The following MCOLN1 variants were observed in gnomAD, a reference collection of about 807,000 sequenced individuals.
MCOLN1 encodes the protein mucolipin TRP cation channel 1.
MCOLN1 carries 50 observed loss-of-function variants against 70.3 expected under a neutral mutation model. The ratio of observed to expected loss-of-function variants is 0.71; its 90% confidence interval spans 0.57 to 0.90. The LOEUF (loss-of-function observed/expected upper bound fraction) is 0.90, where lower values mean the gene tolerates loss of function less well. Among genes scored for constraint, MCOLN1 ranks in the 40% least tolerant of loss-of-function variants. The pLI is 0.00. For synonymous variants in MCOLN1, 366 were observed against 341.0 expected, an observed-to-expected ratio of 1.07 and a Z score of -0.81; for missense variants, 598 against 803.5, an observed-to-expected ratio of 0.74 and a Z score of 3.09.
chr19:7,529,767 CTG>C, intron 11 of MCOLN1, 55 bp downstream of exon 11: 1 of 1,609,290 alleles, frequency 6.2e-7, no homozygotes, highest in Non-Finnish European at 8.5e-7. Context: ...GTCATTGACA[CTG>C]TGACCCCCAG....
chr19:7,522,771 G>A lies in MCOLN1; in HGVS notation c.21G>A (p.Pro7=). 1 of 1,402,846 alleles carries A rather than the reference G, an allele frequency of 7.1e-7. No individual in the cohort carries two copies. Among genetic ancestry groups the A allele is most frequent in the Admixed American group, 3.0e-5 (1 of 33,280 alleles). The allele number at this position is 1,402,846 out of a possible 1,614,324, so 86.9% of individuals were successfully genotyped here. Residue 7 remains proline (P), a synonymous_variant, in exon 1 of 14, where the codon CCG becomes CCA. Coordinates refer to ENST00000264079, the MANE Select transcript of MCOLN1 (RefSeq NM_020533.3). The part of the protein sequence containing the change: MTAPAG[P]RGSETERLLT... Reference sequence around the variant, plus strand: ...CCAGCATGACAGCCCCGGCGGGTCCGCGCGGCTCAGGTGAGGGCGCGGGCG... The same window carrying A: ...CCAGCATGACAGCCCCGGCGGGTCCACGCGGCTCAGGTGAGGGCGCGGGCG...
rs1392830393 is a variant in MCOLN1, at chr19:7,533,551, G to C, written c.1604G>C (p.Ser535Thr). Residue 535 changes from serine (S) to threonine (T), a missense_variant, in exon 13 of 14, where the codon AGC becomes ACC. By Grantham distance (58) the Ser-to-Thr change is moderately conservative (BLOSUM62 1). Around this residue, in one of 3 missense-constraint regions of MCOLN1, gnomAD observed 78 missense variants for 156.2 expected, o/e 0.50. Coordinates refer to ENST00000264079, the MANE Select transcript of MCOLN1 (RefSeq NM_020533.3). ...CCCGGCGGCGCAGGCGCAGAGGAGAGCGAGCTGCAGGCCTACATCGCACAG... is the reference window on the plus strand; with the variant it reads ...CCCGGCGGCGCAGGCGCAGAGGAGACCGAGCTGCAGGCCTACATCGCACAG... The part of the protein sequence containing the change: ...KHPGGAGAEE[S>T]ELQAYIAQCQ... 2 of 1,611,682 alleles carry C rather than the reference G, an allele frequency of 1.2e-6. No individual in the cohort carries two copies. The highest frequency in any genetic ancestry group is 1.7e-6 in the Non-Finnish European group (2 of 1,179,896).
At chr19:7,530,189 C>G in intron 11 of MCOLN1, 97 bp from the exon 12 acceptor site, 13 of 1,119,988 alleles carry the variant, frequency 1.2e-5, no homozygotes, top group Non-Finnish European at 1.6e-5. Flanking sequence ...GCCCCAGCCA[C>G]CAGCTCCTAG....
intron 1 of MCOLN1, 82 bp downstream of exon 1, chr19:7,522,863 T>A: frequency 8.5e-7 from 1 of 1,182,698 alleles, no homozygotes; most frequent in Non-Finnish European, 1.1e-6. Context: ...GAGCTCCTAG[T>A]CTCTTTTTTT....
intron 1 of MCOLN1, among the ~76,000 whole-genome samples, chr19:7,523,104 A>G (rs1016621488): frequency 6.6e-6 from 1 of 151,718 alleles, no homozygotes; most frequent in Non-Finnish European, 1.5e-5. Flanking sequence ...TTCGTCTGGA[A>G]CTCAGACAGC....
chr19:7,523,854 C>G (rs1462180733), intron 1 of MCOLN1, among the ~76,000 whole-genome samples: 8 of 143,130 alleles, frequency 5.6e-5, no homozygotes, highest in Non-Finnish European at 9.3e-5. Flanking sequence ...AGAGGGTGGA[C>G]TTTTTTTTTT....
At chr19:7,532,995 G>A (rs905066959) in intron 12 of MCOLN1, among the ~76,000 whole-genome samples, 4 of 152,254 alleles carry the variant, frequency 2.6e-5, no homozygotes, top group Admixed American at 2.6e-4. Context: ...CGAGTGAGAG[G>A]AAGGAAGCCT....
chr19:7,527,143 G>A, intron 4 of MCOLN1: 1 of 648,234 alleles, frequency 1.5e-6, no homozygotes, highest in South Asian at 1.7e-5. Flanking sequence ...GTGGTGGCGT[G>A]CCCCTGTGGT....
chr19:7,526,569 A>C lies in MCOLN1; in HGVS notation c.368A>C (p.Glu123Ala). ...GACACCTTCGCAGCCTACACGCGGGAGCAGCTGTACCAGGCCATCTTCCAT... is the reference window on the plus strand; with the variant it reads ...GACACCTTCGCAGCCTACACGCGGGCGCAGCTGTACCAGGCCATCTTCCAT... Reference protein sequence around the residue: ...ADDTFAAYTREQLYQAIFHAV... With the variant: ...ADDTFAAYTRAQLYQAIFHAV... The change falls in exon 3 of 14, where the codon GAG becomes GCG. Residue 123 changes from glutamate to alanine, a missense_variant. Around this residue, in one of 3 missense-constraint regions of MCOLN1, gnomAD observed 461 missense variants for 588.4 expected, o/e 0.78. Coordinates refer to ENST00000264079, the MANE Select transcript of MCOLN1 (RefSeq NM_020533.3). This position sits in a 1 kb window ranked among gnomAD's most constrained non-coding sequence, Gnocchi z 4.6. 2 of 1,613,734 alleles carry C rather than the reference A, an allele frequency of 1.2e-6. No homozygotes were observed. The highest frequency in any genetic ancestry group is 1.7e-6 in the Non-Finnish European group (2 of 1,180,000).
At chr19:7,532,104 G>A (rs1339619902) in intron 12 of MCOLN1, among the ~76,000 whole-genome samples, 2 of 152,224 alleles carry the variant, frequency 1.3e-5, no homozygotes, top group Non-Finnish European at 2.9e-5. Context: ...AGGGTCAGGG[G>A]ACAGAGCAGG....
At chr19:7,527,734 C>T (rs554659696) in intron 5 of MCOLN1, 106 bp downstream of exon 5, 4 of 1,075,320 alleles carry the variant, frequency 3.7e-6, no homozygotes, top group East Asian at 2.4e-5. Flanking sequence ...CCCCCCCGCC[C>T]GCGCTGGTGC....
chr19:7,529,506 G>GGGGCC, intron 10 of MCOLN1, 84 bp from the exon 11 acceptor site: 6 of 280,222 alleles, frequency 2.1e-5, no homozygotes, highest in African/African-American at 4.2e-5. Context: ...GCAAGGCCCC[G>GGGGCC]CCCCTCCCAC....
chr19:7,529,580 C>G lies in MCOLN1; in HGVS notation c.1237-10C>G. ...ACACCCTCAACGAGGCTCCCTCTGC[C>G]CCAACCCAGATCCTCATCGCCACAC... On this transcript the variant is annotated splice_polypyrimidine_tract_variant and intron_variant, in intron 10 of 13. Coordinates refer to ENST00000264079, the MANE Select transcript of MCOLN1 (RefSeq NM_020533.3). The G allele has an allele frequency of 1.9e-6, 3 of 1,612,774 alleles. No homozygotes were observed. The highest frequency in any genetic ancestry group is 1.7e-6 in the Non-Finnish European group (2 of 1,179,632).
intron 9 of MCOLN1, 60 bp from the exon 10 acceptor site, chr19:7,529,040 TC>T (rs1226540187): frequency 1.2e-6 from 2 of 1,612,686 alleles, no homozygotes; most frequent in South Asian, 1.1e-5. Flanking sequence ...GGCCATATCC[TC>T]CCCCAGGCCC....
intron 10 of MCOLN1, 138 bp from the exon 11 acceptor site, chr19:7,529,452 C>T (rs1049284220): frequency 8.5e-7 from 1 of 1,172,548 alleles, no homozygotes. Context: ...CACGCCCCCT[C>T]TAGGCACCCA....
chr19:7,526,212 A>G lies in MCOLN1; in HGVS notation c.238-227A>G. The G allele has an allele frequency of 1.6e-6, 1 of 612,134 alleles. No homozygotes were observed. Among genetic ancestry groups the G allele is most frequent in the East Asian group, 2.8e-5 (1 of 35,494 alleles). 37.9% of individuals were successfully genotyped at this position (612,134 alleles called of 1,614,324 possible). On this transcript the variant is annotated intron_variant, in intron 2 of 13. Coordinates refer to ENST00000264079, the MANE Select transcript of MCOLN1 (RefSeq NM_020533.3). This position sits in a 1 kb window ranked among gnomAD's most constrained non-coding sequence, Gnocchi z 4.6. ...CCCTGTGTTGTACGGGGGAGGACAC[A>G]GTGGTGGGCGTGGCATGGAGCTTAT...
rs1395459728 is a variant in MCOLN1, at chr19:7,529,297, TG to T, written c.1236+97del. On this transcript the variant is annotated intron_variant, in intron 10 of 13. Transcript: ENST00000264079. The stretch of plus-strand genomic sequence containing the variant: ...CGCAGCCCTCACCAGCCCCGGCCAA[TG>T]GCCCCTTGCAAGCCTCCTCCTCCTA... The T allele has an allele frequency of 4.2e-6, 5 of 1,186,892 alleles. No individual in the cohort carries two copies. The Admixed American group carries it at 7.3e-5, about 17-fold the overall frequency. The allele number at this position is 1,186,892 out of a possible 1,614,324, so 73.5% of individuals were successfully genotyped here.
In MCOLN1 at chr19:7,526,799, G is replaced by T. The variant is rs374412302; in HGVS notation, c.444G>T (p.Ala148=). 3.7e-6 allele frequency: 6 copies of T among 1,614,182 alleles called. No homozygotes were observed. Among genetic ancestry groups the T allele is most frequent in the Non-Finnish European group, 5.1e-6 (6 of 1,180,050 alleles). Residue 148 remains alanine (A), a synonymous_variant, in exon 4 of 14, where the codon GCG becomes GCT. Coordinates refer to ENST00000264079, the MANE Select transcript of MCOLN1 (RefSeq NM_020533.3). The surrounding 1 kb of genome is among the most constrained non-coding windows in gnomAD (Gnocchi z 4.6). ...CTGACGTGTCACTGGGCCGGTATGC[G>T]TATGTCCGTGGTGGGGGTGACCCTT... is the stretch of plus-strand genomic sequence containing the variant. The part of the protein sequence containing the change: ...ALPDVSLGRY[A]YVRGGGDPWT...
rs1568399574 is a variant in MCOLN1, at chr19:7,528,891, AT to A, written c.1056del (p.Asn352LysfsTer20). On this transcript the variant is annotated frameshift_variant, in exon 9 of 14. Transcript: ENST00000264079. LOFTEE classifies it high-confidence loss of function. This position sits in a 1 kb window ranked among gnomAD's most constrained non-coding sequence, Gnocchi z 4.2. Reference sequence around the variant, plus strand: ...CTGTGGGAGCGGCTGGAATTTGTCAATGGCTGGTACATCCTGCTCGTCACCA... The same window carrying A: ...CTGTGGGAGCGGCTGGAATTTGTCAAGGCTGGTACATCCTGCTCGTCACCA... Reference protein sequence around the residue: ...ISLWERLEFVNGWYILLVTSD... With the variant: ...ISLWERLEFVXGWYILLVTSD... The A allele has an allele frequency of 6.2e-7, 1 of 1,614,074 alleles. No homozygotes were observed. The highest frequency in any genetic ancestry group is 2.2e-5 in the East Asian group (1 of 44,858).
Sources: allele counts gnomAD v4.1 joint callset (sites outside exome capture counted in the v4.1 genomes callset), GRCh38; gene constraint gnomAD v4.1.1; regional missense constraint gnomAD v4.1.1; non-coding constraint Gnocchi (gnomAD v3.1); transcripts MANE v1.5; gene names NCBI Gene and HGNC (gene_info 2026-07-23, HGNC 2026-07-21).